PLAC1: variants seen among roughly 807,000 people sequenced by gnomAD.
The protein encoded by PLAC1 is placenta associated 1, also known as placenta-specific protein 1.
For missense variants in PLAC1, 136 were observed against 163.2 expected (o/e 0.83, Z 0.91); for synonymous variants, 68 against 62.1 (o/e 1.09, Z -0.44).
intron 2 of PLAC1, among the ~76,000 whole-genome samples, chrX:134,677,179 C>G (rs1443204751): frequency 9.0e-6 from 1 of 111,030 alleles, no homozygotes; most frequent in Non-Finnish European, 1.9e-5. Flanking sequence ...CTGGATAGTC[C>G]TTAAGCTCCT....
intron 1 of PLAC1, among the ~76,000 whole-genome samples, chrX:134,629,968 C>CTTT (rs368081621): frequency 1.7e-4 from 15 of 89,892 alleles, no homozygotes; most frequent in East Asian, 1.7e-3. Flanking sequence ...CTCTTCTTCC[C>CTTT]TTTTTTTTTT....
intron 1 of PLAC1, among the ~76,000 whole-genome samples, chrX:134,636,906 A>G (rs1215150456): frequency 8.9e-6 from 1 of 112,220 alleles, no homozygotes; most frequent in Non-Finnish European, 1.9e-5. Flanking sequence ...CCTCGACAAG[A>G]GGCCCACAGT....
intron 1 of PLAC1, among the ~76,000 whole-genome samples, chrX:134,757,491 T>C (rs1359439290): frequency 8.9e-6 from 1 of 112,503 alleles, no homozygotes; most frequent in Admixed American, 9.4e-5. Context: ...GGGAAACTTT[T>C]ATATGAAAGA....
At chrX:134,598,347 T>C (rs143867025) in intron 2 of PLAC1, among the ~76,000 whole-genome samples, 198 of 112,276 alleles carry the variant, frequency 1.8e-3, no homozygotes, top group African/African-American at 6.0e-3. Flanking sequence ...TACTGCTCTT[T>C]AACTAACAGA....
chrX:134,719,169 A>G (rs941214544), intron 2 of PLAC1, among the ~76,000 whole-genome samples: 8 of 111,700 alleles, frequency 7.2e-5, no homozygotes, highest in Non-Finnish European at 1.3e-4. Context: ...TAAGTATTGC[A>G]CAACACTGTG....
intron 1 of PLAC1, among the ~76,000 whole-genome samples, chrX:134,744,243 C>T (rs2078723839): frequency 9.6e-6 from 1 of 103,674 alleles, no homozygotes; most frequent in Admixed American, 1.0e-4. Flanking sequence ...GATCATGCCA[C>T]TGCACTCCAG....
intron 2 of PLAC1, among the ~76,000 whole-genome samples, chrX:134,589,965 G>T (rs759243229): frequency 9.9e-5 from 11 of 110,849 alleles, no homozygotes; most frequent in South Asian, 3.8e-4. Flanking sequence ...GGAGGCCAAG[G>T]TGGGCGGATC....
At chrX:134,730,879 C>T (rs1220961115) in intron 2 of PLAC1, among the ~76,000 whole-genome samples, 1 of 111,471 alleles carries the variant, frequency 9.0e-6, no homozygotes, top group Non-Finnish European at 1.9e-5. Context: ...CTGAAGGAAA[C>T]GGCAATGGGG....
chrX:134,705,296 A>G (rs993520006), intron 2 of PLAC1, among the ~76,000 whole-genome samples: 3 of 103,635 alleles, frequency 2.9e-5, no homozygotes, highest in Non-Finnish European at 3.9e-5. Flanking sequence ...GCAGGCACCT[A>G]TAATCCCAGC....
intron 2 of PLAC1, among the ~76,000 whole-genome samples, chrX:134,670,993 C>A (rs755760507): frequency 8.9e-6 from 1 of 111,844 alleles, no homozygotes; most frequent in African/African-American, 3.2e-5. Flanking sequence ...AATGTGATTG[C>A]CTTGCTTCTT....
chrX:134,705,061 A>AAT (rs1335564233), intron 2 of PLAC1, among the ~76,000 whole-genome samples: 7 of 101,362 alleles, frequency 6.9e-5, no homozygotes, highest in African/African-American at 1.5e-4. Flanking sequence ...ATAAATATAT[A>AAT]ATATATATAT....
rs2078652768 is a variant in PLAC1 at position 134,719,835 on chromosome X, C to T, written n.174+13600G>A. Among the ~76,000 whole-genome samples the T allele has an allele frequency of 1.3e-4, 14 of 111,262 alleles. No individual in the cohort carries two copies. In the South Asian group the frequency reaches 5.3e-3, roughly 42 times the overall value. ...ACAAAAAACACTCAATAAACAAGAACTAGAAAGTAACTTTTAATCTGGTAA... is the reference window on the plus strand; with the variant it reads ...ACAAAAAACACTCAATAAACAAGAATTAGAAAGTAACTTTTAATCTGGTAA... On this transcript the variant is annotated intron_variant and non_coding_transcript_variant, in intron 2 of 2. Transcript: ENST00000466797.
chrX:134,666,916 A>C lies in PLAC1; in HGVS notation n.175-64794T>G, dbSNP rs528905521. 7.1e-4 allele frequency among the ~76,000 whole-genome samples: 80 copies of C among 112,479 alleles called. No individual in the cohort carries two copies. The South Asian group carries it at 0.029, about 40-fold the overall frequency. The stretch of plus-strand genomic sequence containing the variant: ...CAATTTACTTTCAACAAGGGCATCA[A>C]GACAATTCAATAGGGGAAAGGATAG... On this transcript the variant is annotated intron_variant and non_coding_transcript_variant, in intron 2 of 2. Coordinates refer to the PLAC1 transcript ENST00000466797.
chrX:134,601,588 T>C (rs1472778311), intron 2 of PLAC1: 1 of 112,332 alleles, frequency 8.9e-6, no homozygotes, highest in African/African-American at 3.2e-5. Flanking sequence ...CTATATGTAG[T>C]GTACTGTGCT....
rs551207808 is a variant in PLAC1, at chrX:134,741,178, G to A, written n.90-7659C>T. Among the ~76,000 whole-genome samples the A allele has an allele frequency of 8.9e-5, 10 of 111,747 alleles. No homozygotes were observed. In the South Asian group the frequency reaches 3.4e-3, roughly 38 times the overall value. On this transcript the variant is annotated intron_variant and non_coding_transcript_variant, in intron 1 of 2. Coordinates refer to the PLAC1 transcript ENST00000466797. Reference sequence around the variant, plus strand: ...TAAAAAATCTATGATTCTATAATCCGGTTTCCAATTACCCACCACTTTGGG... The same window carrying A: ...TAAAAAATCTATGATTCTATAATCCAGTTTCCAATTACCCACCACTTTGGG...
chrX:134,657,165 A>G (rs925650416), intron 1 of PLAC1, among the ~76,000 whole-genome samples: 27 of 112,440 alleles, frequency 2.4e-4, no homozygotes, highest in African/African-American at 8.7e-4. Flanking sequence ...TAATCATAGT[A>G]ATTCCACCTA....
intron 1 of PLAC1, among the ~76,000 whole-genome samples, chrX:134,756,774 G>A (rs1047658644): frequency 3.7e-5 from 4 of 109,139 alleles, no homozygotes; most frequent in Middle Eastern, 4.6e-3. Context: ...GCGTGAACCC[G>A]GGAGGCGGAG....
At chrX:134,714,324 C>T (rs751854161) in intron 2 of PLAC1, among the ~76,000 whole-genome samples, 17 of 108,969 alleles carry the variant, frequency 1.6e-4, no homozygotes, top group Admixed American at 3.0e-4. Flanking sequence ...TCTATCCCCC[C>T]ATCCCTCTCC....
upstream of PLAC1, among the ~76,000 whole-genome samples, chrX:134,660,487 C>T (rs1224006069): frequency 9.0e-6 from 1 of 111,517 alleles, no homozygotes; most frequent in East Asian, 2.8e-4. Context: ...AAAAAAGAAC[C>T]GAAATATAGG....
Sources: gnomAD v4.1 joint callset for allele counts (sites outside exome capture counted in the v4.1 genomes callset) on GRCh38, gnomAD v4.1.1 for gene constraint, MANE v1.5 for transcripts, NCBI Gene and HGNC (gene_info 2026-07-23, HGNC 2026-07-21) for gene names.